The following SENP5 variants were observed in gnomAD, a reference collection of about 807,000 sequenced individuals.
SENP5 encodes sentrin-specific protease 5.
In SENP5, 21 loss-of-function variants were observed where a neutral mutation model predicts 74.2. The observed-to-expected ratio is 0.28, with a 90% CI of 0.20 to 0.41. The LOEUF is 0.41. Ranked by LOEUF, SENP5 falls within the 10% of genes least tolerant of loss-of-function variation. The probability of loss-of-function intolerance (pLI) is 1.00; values close to 1 mark genes in which losing one functional copy is unlikely to be tolerated. For missense variants in SENP5, 717 were observed against 889.1 expected (o/e 0.81, Z 2.46); for synonymous variants, 311 against 312.7 (o/e 0.99, Z 0.06).
At chr3:196,925,702 G>A (rs1715786203) in intron 7 of SENP5, among the ~76,000 whole-genome samples, 1 of 152,184 alleles carries the variant, frequency 6.6e-6, no homozygotes, top group Admixed American at 6.6e-5. Flanking sequence ...CATGCAGTTG[G>A]GTTTAAGTCG....
chr3:196,930,305 G>A (rs762207059), intron 9 of SENP5, among the ~76,000 whole-genome samples: 18 of 152,216 alleles, frequency 1.2e-4, no homozygotes, highest in Non-Finnish European at 2.4e-4. Context: ...CCAGCAGGTT[G>A]CACTTTGGGA....
At position 196,922,713 on chromosome 3, in the gene SENP5, C is replaced by CA. The variant is rs1715667614; in HGVS notation, c.1885-700dup. On this transcript the variant is annotated intron_variant, in intron 6 of 9. Transcript: ENST00000323460. Reference sequence around the variant, plus strand: ...TCTGCTCAGTGCAACCTCCGCCTCCCAGGCTCAAGCCATCCTTTGAACCTC... The same window carrying CA: ...TCTGCTCAGTGCAACCTCCGCCTCCCAAGGCTCAAGCCATCCTTTGAACCTC... 1.3e-5 allele frequency among the ~76,000 whole-genome samples: 2 copies of CA among 152,308 alleles called. 1 individual carries two copies. Among genetic ancestry groups the CA allele is most frequent in the South Asian group, 4.1e-4 (2 of 4,824 alleles).
intron 6 of SENP5, among the ~76,000 whole-genome samples, chr3:196,912,235 T>C (rs929103755): frequency 6.6e-6 from 1 of 152,178 alleles, no homozygotes; most frequent in Non-Finnish European, 1.5e-5. Context: ...TGGAATACTA[T>C]GCAGCCATTT....
At chr3:196,901,473 T>A (rs1296086541) in intron 5 of SENP5, among the ~76,000 whole-genome samples, 4 of 152,220 alleles carry the variant, frequency 2.6e-5, no homozygotes, top group Non-Finnish European at 4.4e-5. Flanking sequence ...AAACTCTAAA[T>A]TCTCTTAAGA....
intron 6 of SENP5, among the ~76,000 whole-genome samples, chr3:196,908,304 A>G (rs1714988182): frequency 6.6e-6 from 1 of 152,098 alleles, no homozygotes; most frequent in African/African-American, 2.4e-5. Flanking sequence ...AAAAAAGGCA[A>G]CTACAGGAAA....
At chr3:196,875,390 C>T (rs1313286285) in intron 1 of SENP5, among the ~76,000 whole-genome samples, 1 of 152,186 alleles carries the variant, frequency 6.6e-6, no homozygotes, top group Non-Finnish European at 1.5e-5. Flanking sequence ...CTTCTCCTTG[C>T]CATTCTGCAC....
chr3:196,873,837 C>CA (rs1355868109), intron 1 of SENP5, among the ~76,000 whole-genome samples: 3 of 151,882 alleles, frequency 2.0e-5, no homozygotes, highest in Non-Finnish European at 4.4e-5. Flanking sequence ...GACTCCATCT[C>CA]AAAAAACAAA....
At chr3:196,925,049 A>G (rs1715761273) in intron 7 of SENP5, among the ~76,000 whole-genome samples, 1 of 152,246 alleles carries the variant, frequency 6.6e-6, no homozygotes, top group Non-Finnish European at 1.5e-5. Context: ...ACATATATAC[A>G]TACATATTTG....
chr3:196,868,876 A>G (rs202166646), intron 1 of SENP5, among the ~76,000 whole-genome samples: 1 of 43,438 alleles, frequency 2.3e-5, no homozygotes, highest in Admixed American at 2.4e-4. Flanking sequence ...ATAGGTTCCT[A>G]CTTATGTTTT....
intron 9 of SENP5, among the ~76,000 whole-genome samples, chr3:196,930,218 G>C (rs940997525): frequency 6.6e-6 from 1 of 152,178 alleles, no homozygotes; most frequent in East Asian, 1.9e-4. Context: ...CGGTTCGTTT[G>C]TATACCTCAT....
chr3:196,928,363 T>G (rs1344666034), intron 8 of SENP5, among the ~76,000 whole-genome samples: 2 of 152,222 alleles, frequency 1.3e-5, no homozygotes, highest in Non-Finnish European at 2.9e-5. Context: ...ATTCAAACTG[T>G]GGGGCAGAGT....
Position 196,885,664 on chromosome 3 carries a change from A to G in SENP5, c.483A>G (p.Pro161=), listed in dbSNP as rs1483777042. The G allele has an allele frequency of 1.2e-6, 2 of 1,614,240 alleles. No individual in the cohort carries two copies. The highest frequency in any genetic ancestry group is 3.3e-5 in the Admixed American group (2 of 60,024). The change falls in exon 2 of 10, where the codon CCA becomes CCG. Residue 161 remains proline, a synonymous_variant. Transcript: ENST00000323460. ...QANGHRPRTD[P]QPSDFPMKFN... ...ATGGTCACAGACCTAGGACAGACCC[A>G]CAACCTTCTGACTTTCCCATGAAGT...
intron 1 of SENP5, among the ~76,000 whole-genome samples, chr3:196,875,464 AC>A (rs1713417703): frequency 6.6e-6 from 1 of 152,120 alleles, no homozygotes; most frequent in East Asian, 1.9e-4. Context: ...GTGGCTTCAC[AC>A]CAACCTTATG....
chr3:196,923,646 G>A, intron 7 of SENP5, 95 bp downstream of exon 7: 1 of 807,284 alleles, frequency 1.2e-6, no homozygotes, highest in Non-Finnish European at 2.0e-6. Context: ...AAACCATATA[G>A]GAACAGTTTA....
Position 196,925,431 on chromosome 3 carries a change from G to A in SENP5, c.2022+1880G>A, listed in dbSNP as rs193097464. Among the ~76,000 whole-genome samples the A allele has an allele frequency of 3.5e-4, 54 of 152,152 alleles. 1 individual carries two copies. The East Asian group carries it at 0.01, about 28-fold the overall frequency. ...TCTCAACCAACATATTCCCATACCT[G>A]CCAGAGCCTGTCTATATTGTCTCTT... On this transcript the variant is annotated intron_variant, in intron 7 of 9. Transcript: ENST00000323460.
At chr3:196,899,289 A>G (rs1714596733) in intron 2 of SENP5, among the ~76,000 whole-genome samples, 1 of 152,156 alleles carries the variant, frequency 6.6e-6, no homozygotes, top group African/African-American at 2.4e-5. Flanking sequence ...TCTTTCAGTT[A>G]CCAAAAGGAT....
chr3:196,914,586 A>AAAAAAAAAATAGAT, intron 6 of SENP5: 1 of 33,510 alleles, frequency 3.0e-5, no homozygotes, highest in African/African-American at 1.8e-4. Flanking sequence ...AAAAAAAAAA[A>AAAAAAAAAATAGAT]ATATATATAT....
intron 6 of SENP5, among the ~76,000 whole-genome samples, chr3:196,911,782 C>T (rs754560748): frequency 4.0e-5 from 6 of 151,772 alleles, no homozygotes; most frequent in Non-Finnish European, 7.4e-5. Context: ...GCACTCCAGC[C>T]TTAGCAACAA....
chr3:196,928,481 A>T (rs1450798049), intron 8 of SENP5, among the ~76,000 whole-genome samples: 1 of 152,204 alleles, frequency 6.6e-6, no homozygotes, highest in Non-Finnish European at 1.5e-5. Context: ...GATCCTTATA[A>T]CCTGTGAGGT....
Sources: gnomAD v4.1 joint callset for allele counts (sites outside exome capture counted in the v4.1 genomes callset) on GRCh38, gnomAD v4.1.1 for gene constraint, MANE v1.5 for transcripts, NCBI Gene and HGNC (gene_info 2026-07-23, HGNC 2026-07-21) for gene names.